Variants in RTN4 observed in about 807,000 individuals in gnomAD.
RTN4 encodes reticulon 4.
In RTN4, 32 loss-of-function variants were observed where a neutral mutation model predicts 90.4. The observed-to-expected ratio is 0.35, with a 90% CI of 0.27 to 0.48. The LOEUF is 0.48. Among genes scored for constraint, RTN4 ranks in the 20% least tolerant of loss-of-function variants. The probability of loss-of-function intolerance (pLI) is 0.99; values close to 1 mark genes in which losing one functional copy is unlikely to be tolerated. For synonymous variants in RTN4, 629 were observed against 552.5 expected (o/e 1.14, Z -1.94); for missense variants, 1,706 against 1,430.2 (o/e 1.19, Z -3.11).
chr2:55,064,144 C>T (rs893367896), intron 2 of RTN4, among the ~76,000 whole-genome samples: 1 of 149,276 alleles, frequency 6.7e-6, no homozygotes, highest in Non-Finnish European at 1.5e-5. Context: ...ATTCCTTGAA[C>T]TCAGGAGTGG....
At chr2:55,007,163 T>C (rs895910213) in intron 3 of RTN4, among the ~76,000 whole-genome samples, 1 of 152,156 alleles carries the variant, frequency 6.6e-6, no homozygotes, top group Non-Finnish European at 1.5e-5. Flanking sequence ...CTTGAGTCTT[T>C]ACACCTCATC....
At chr2:54,988,380 T>C (rs770614058) in intron 3 of RTN4, among the ~76,000 whole-genome samples, 4 of 152,276 alleles carry the variant, frequency 2.6e-5, no homozygotes, top group Admixed American at 1.3e-4. Flanking sequence ...AATAATTCAA[T>C]AAATATATTC....
At chr2:55,009,231 TG>T (rs1680457960) in intron 3 of RTN4, among the ~76,000 whole-genome samples, 1 of 152,182 alleles carries the variant, frequency 6.6e-6, no homozygotes, top group African/African-American at 2.4e-5. Flanking sequence ...TTACGTAGAA[TG>T]TCTATTTTGG....
chr2:55,045,476 G>C (rs2104959827), intron 1 of RTN4, among the ~76,000 whole-genome samples: 1 of 152,138 alleles, frequency 6.6e-6, no homozygotes, highest in Admixed American at 6.5e-5. Flanking sequence ...TACTGTAATA[G>C]CTTTCTAAAT....
chr2:55,048,909 G>C (rs1313198494), intron 1 of RTN4, among the ~76,000 whole-genome samples: 3 of 151,988 alleles, frequency 2.0e-5, no homozygotes, highest in Non-Finnish European at 4.4e-5. Flanking sequence ...GCACTAAGAG[G>C]CTGGGCCAAG....
chr2:55,105,881 G>GT (rs1278214971), intron 1 of RTN4, among the ~76,000 whole-genome samples: 4 of 152,104 alleles, frequency 2.6e-5, no homozygotes, highest in African/African-American at 9.7e-5. Context: ...TCTGGAGGCT[G>GT]AGGCCAGAGG....
intron 5 of RTN4, among the ~76,000 whole-genome samples, chr2:54,980,602 G>C (rs1421332871): frequency 1.3e-5 from 2 of 152,076 alleles, no homozygotes; most frequent in Non-Finnish European, 2.9e-5. Flanking sequence ...GTGTATCTCT[G>C]TTGCCGTGTT....
chr2:55,076,737 G>A (rs1044694335), intron 2 of RTN4, among the ~76,000 whole-genome samples: 4 of 151,974 alleles, frequency 2.6e-5, no homozygotes, highest in African/African-American at 7.3e-5. Flanking sequence ...TAATCCCCGC[G>A]TGTCTTGGGA....
At chr2:55,079,840 G>A (rs1218816617) in intron 2 of RTN4, among the ~76,000 whole-genome samples, 2 of 152,176 alleles carry the variant, frequency 1.3e-5, no homozygotes, top group African/African-American at 4.8e-5. Context: ...ATACTATAGT[G>A]GTTAAGAGCA....
At position 54,982,661 on chromosome 2, in the gene RTN4, A is replaced by G. The variant is rs1021810316; in HGVS notation, c.3222-8T>C. ...TCAGATTCCAGATATGCCCTAGAAA[A>G]CAAAACACATCATAATTGTCACTAA... On this transcript the variant is annotated splice_region_variant and splice_polypyrimidine_tract_variant and intron_variant, in intron 4 of 8. Coordinates refer to ENST00000337526, the MANE Select transcript of RTN4 (RefSeq NM_020532.5). 8.1e-6 allele frequency: 13 copies of G among 1,599,586 alleles called. No individual in the cohort carries two copies. Among genetic ancestry groups the G allele is most frequent in the Non-Finnish European group, 1.1e-5 (13 of 1,175,024 alleles).
rs1677336578 is a variant in RTN4 at position 54,973,637 on chromosome 2, A to G, written c.3478-16T>C. The G allele has an allele frequency of 3.1e-6, 5 of 1,597,672 alleles. No individual in the cohort carries two copies. The East Asian group carries it at 1.1e-4, about 36-fold the overall frequency. On this transcript the variant is annotated splice_polypyrimidine_tract_variant and intron_variant, in intron 7 of 8. Coordinates refer to ENST00000337526, the MANE Select transcript of RTN4 (RefSeq NM_020532.5). ...CTATCTGTGCCTGAAAGAGAGGTAT[A>G]AAGGAATTATTACCGTTGCTAAAGA...
intron 3 of RTN4, among the ~76,000 whole-genome samples, chr2:55,024,751 T>A (rs1681691155): frequency 6.6e-6 from 1 of 152,034 alleles, no homozygotes; most frequent in Non-Finnish European, 1.5e-5. Context: ...TATTTTAATA[T>A]CTCTTGCTCT....
At chr2:55,074,266 C>T (rs1339863370) in intron 2 of RTN4, among the ~76,000 whole-genome samples, 12 of 152,104 alleles carry the variant, frequency 7.9e-5, no homozygotes, top group African/African-American at 2.7e-4. Flanking sequence ...CTTTGGGAAA[C>T]TGAGGTGGGA....
intron 3 of RTN4, among the ~76,000 whole-genome samples, chr2:54,988,907 A>G (rs572813464): frequency 1.3e-5 from 2 of 152,220 alleles, no homozygotes; most frequent in South Asian, 2.1e-4. Context: ...GAAGTGTGCC[A>G]AAGTGCTCTT....
At chr2:54,992,254 G>C (rs1573319540) in intron 3 of RTN4, among the ~76,000 whole-genome samples, 1 of 152,154 alleles carries the variant, frequency 6.6e-6, no homozygotes, top group South Asian at 2.1e-4. Context: ...ATAAGTGGCA[G>C]AACATGGATC....
At chr2:55,031,057 T>G (rs1373791984) in intron 1 of RTN4, among the ~76,000 whole-genome samples, 3 of 152,170 alleles carry the variant, frequency 2.0e-5, no homozygotes, top group African/African-American at 7.2e-5. Flanking sequence ...CCATTTCACA[T>G]ACGAGAAAAG....
chr2:55,046,396 T>TA (rs1342313928), intron 1 of RTN4, among the ~76,000 whole-genome samples: 2 of 152,236 alleles, frequency 1.3e-5, no homozygotes, highest in Admixed American at 6.5e-5. Context: ...TCACTAGTCT[T>TA]ACACTAGATT....
At chr2:55,028,531 C>A (rs1163374907) in intron 1 of RTN4, among the ~76,000 whole-genome samples, 2 of 152,156 alleles carry the variant, frequency 1.3e-5, no homozygotes, top group Non-Finnish European at 2.9e-5. Context: ...TAACATATCA[C>A]ATCCCAAGCT....
Position 55,050,332 on chromosome 2 carries a change from T to G in RTN4, c.-32A>C, listed in dbSNP as rs1553447951. ...AGGGTGGAGATGATGCTGCAGCTGC[T>G]GCCGCCGCCGCCGGGGCCGCGTCTC... On this transcript the variant is annotated 5_prime_UTR_variant, in exon 1 of 9. Transcript: ENST00000337526. The surrounding 1 kb of genome is among the most constrained non-coding windows in gnomAD (Gnocchi z 4.6). 8 of 1,313,962 alleles carry G rather than the reference T, an allele frequency of 6.1e-6. No individual in the cohort carries two copies. In the East Asian group the frequency reaches 1.7e-4, roughly 28 times the overall value. 81.4% of individuals were successfully genotyped at this position (1,313,962 alleles called of 1,614,324 possible). A position where few individuals can be genotyped will look rare whatever the true frequency, so the allele number is the denominator to read the frequency against.
Sources: gnomAD v4.1 joint callset for allele counts (sites outside exome capture counted in the v4.1 genomes callset) on GRCh38, gnomAD v4.1.1 for gene constraint, Gnocchi (gnomAD v3.1) non-coding constraint, MANE v1.5 for transcripts, NCBI Gene and HGNC (gene_info 2026-07-23, HGNC 2026-07-21) for gene names.